The following KRT19 variants were observed in gnomAD, a reference collection of about 807,000 sequenced individuals.
KRT19 encodes the protein keratin 19.
Under a neutral mutation model 34.6 loss-of-function variants are expected in KRT19, and 21 were observed. That is an observed-to-expected ratio of 0.61 (90% confidence interval 0.43 to 0.87). The LOEUF (loss-of-function observed/expected upper bound fraction) is 0.87. KRT19 is among the 40% of genes least tolerant of loss of function. The pLI, the probability that KRT19 is intolerant of heterozygous loss-of-function variation, is 0.00. For missense variants in KRT19, 514 were observed against 545.7 expected, an observed-to-expected ratio of 0.94 and a Z score of 0.58; for synonymous variants, 240 against 245.8, an observed-to-expected ratio of 0.98 and a Z score of 0.22.
rs368104623 is a variant in KRT19 at position 41,523,958 on chromosome 17, G to A, written c.988C>T (p.Arg330Cys). Residue 330 changes from arginine (R) to cysteine (C), a missense_variant, in exon 6 of 6, where the codon CGC becomes TGC. Arg to Cys is a radical substitution (Grantham distance 180). Coordinates refer to ENST00000361566, the MANE Select transcript of KRT19 (RefSeq NM_002276.5). ...ATATGCGCCAGCTGGGCTCCAAAGC[G>A]CGCCTCCGTTTCTGCCAGTGTGTCT... Reference protein sequence around the residue: ...LEDTLAETEARFGAQLAHIQA... With the variant: ...LEDTLAETEACFGAQLAHIQA... 1.1e-5 allele frequency: 18 copies of A among 1,613,146 alleles called. No individual in the cohort carries two copies. The African/African-American group carries it at 1.3e-4, about 12-fold the overall frequency.
At position 41,524,565 on chromosome 17, in the gene KRT19, C is replaced by T. The variant is rs182707110; in HGVS notation, c.661-25G>A. On this transcript the variant is annotated intron_variant, in intron 3 of 5. Transcript: ENST00000361566. ...CCTGTAAAGATACAGCAGAGATGGG[C>T]ATGTCAGGGCCCAGACCCCACTGGG... 6.2e-6 allele frequency: 10 copies of T among 1,613,014 alleles called. No individual in the cohort carries two copies. The East Asian group carries it at 1.3e-4, about 22-fold the overall frequency.
Position 41,523,767 on chromosome 17 carries a change from ATTG to A in KRT19, c.1176_1178del (p.Asn393del). On this transcript the variant is annotated inframe_deletion, in exon 6 of 6. Coordinates refer to ENST00000361566, the MANE Select transcript of KRT19 (RefSeq NM_002276.5). ...CTCAGAGGACCTTGGAGGCAGACAA[ATTG>A]TTGTAGTGATCTTCCTGTCCCTCGA... is the stretch of plus-strand genomic sequence containing the variant. The A allele has an allele frequency of 1.2e-6, 2 of 1,613,794 alleles. No homozygotes were observed. Among genetic ancestry groups the A allele is most frequent in the Non-Finnish European group, 1.7e-6 (2 of 1,179,922 alleles).
rs200132300 is a variant in KRT19, at chr17:41,524,316, C to G, written c.823-48G>C. On this transcript the variant is annotated intron_variant, in intron 4 of 5. Coordinates refer to ENST00000361566, the MANE Select transcript of KRT19 (RefSeq NM_002276.5). ...GAATAAGCATTGAGTCAGACCTTCG[C>G]GTAGGGAACACAAAGCCCTCCCCTT... 75 of 1,611,378 alleles carry G rather than the reference C, an allele frequency of 4.7e-5. No homozygotes were observed. Among genetic ancestry groups the G allele is most frequent in the Non-Finnish European group, 5.9e-5 (69 of 1,177,940 alleles).
chr17:41,524,763 G>T, intron 3 of KRT19, 80 bp downstream of exon 3: 2 of 1,516,274 alleles, frequency 1.3e-6, no homozygotes, highest in Non-Finnish European at 1.8e-6. Flanking sequence ...TGTTACCACG[G>T]TCAGAGAATA....
At position 41,527,999 on chromosome 17, in the gene KRT19, G is replaced by A. The variant is rs1272265826; in HGVS notation, c.249C>T (p.Thr83=). The A allele has an allele frequency of 2.5e-6, 4 of 1,613,534 alleles. No homozygotes were observed. Among genetic ancestry groups the A allele is most frequent in the South Asian group, 1.1e-5 (1 of 91,062 alleles). Residue 83 remains threonine (T), a synonymous_variant, in exon 1 of 6, where the codon ACC becomes ACT. Transcript: ENST00000361566. ...CCAGGCGGTCGTTGAGGTTCTGCAT[G>A]GTTAGCTTCTCGTTGCCCGCCAGCA... The part of the protein sequence containing the change: ...DGLLAGNEKL[T]MQNLNDRLAS...
In KRT19 at chr17:41,524,361, C is replaced by T. The variant is rs918816810; in HGVS notation, c.822+18G>A. On this transcript the variant is annotated intron_variant, in intron 4 of 5. Transcript: ENST00000361566. The stretch of plus-strand genomic sequence containing the variant: ...CCCCTTCCTAACCCCCAAAGGGTGC[C>T]TGCTTCCCTCTACCTACCCGGCTGG... 6.2e-7 allele frequency: 1 copy of T among 1,613,878 alleles called. No individual in the cohort carries two copies. Among genetic ancestry groups the T allele is most frequent in the East Asian group, 2.2e-5 (1 of 44,878 alleles).
In KRT19 at chr17:41,524,184, G is replaced by A. The variant is rs1440372553; in HGVS notation, c.907C>T (p.Leu303Phe). The change falls in exon 5 of 6, where the codon CTT becomes TTT. Residue 303 changes from leucine (L) to phenylalanine (F), a missense_variant. Leu to Phe is a conservative substitution (Grantham distance 22). Coordinates refer to ENST00000361566, the MANE Select transcript of KRT19 (RefSeq NM_002276.5). ...TGCAGCTCAATCTCAAGACCCTGAA[G>A]GGTGCGCCGCAGGTCAGTAACCTCG... ...RSEVTDLRRT[L>F]QGLEIELQSQ... 2 of 1,614,132 alleles carry A rather than the reference G, an allele frequency of 1.2e-6. No homozygotes were observed. Among genetic ancestry groups the A allele is most frequent in the Admixed American group, 3.3e-5 (2 of 60,022 alleles).
chr17:41,525,102 GCCATC>G, intron 2 of KRT19, 84 bp downstream of exon 2: 1 of 1,563,770 alleles, frequency 6.4e-7, no homozygotes, highest in Non-Finnish European at 8.8e-7. Flanking sequence ...TTAGCTTCAG[GCCATC>G]TAGGCTAGGT....
At position 41,523,919 on chromosome 17, in the gene KRT19, T is replaced by C. The variant is rs1181062457; in HGVS notation, c.1027A>G (p.Ser343Gly). Residue 343 changes from serine (S) to glycine (G), a missense_variant, in exon 6 of 6, where the codon AGC (serine) becomes GGC (glycine). Ser to Gly is a moderately conservative substitution (Grantham distance 56). Transcript: ENST00000361566. Reference sequence around the variant, plus strand: ...TCGCCCAGCTGGGCTTCAATACCGCTGATCAGCGCCTGGATATGCGCCAGC... The same window carrying C: ...TCGCCCAGCTGGGCTTCAATACCGCCGATCAGCGCCTGGATATGCGCCAGC... Reference protein sequence around the residue: ...AQLAHIQALISGIEAQLGDVR... With the variant: ...AQLAHIQALIGGIEAQLGDVR... 1.2e-6 allele frequency: 2 copies of C among 1,614,066 alleles called. No individual in the cohort carries two copies. Among genetic ancestry groups the C allele is most frequent in the Admixed American group, 1.7e-5 (1 of 60,026 alleles).
chr17:41,527,778 G>A, intron 1 of KRT19, 50 bp downstream of exon 1: 1 of 1,514,662 alleles, frequency 6.6e-7, no homozygotes, highest in South Asian at 1.3e-5. Context: ...CGCGGGGCTG[G>A]GTTTCCGCGG....
chr17:41,527,957 C>G lies in KRT19; in HGVS notation c.291G>C (p.Lys97Asn). Residue 97 changes from lysine (K) to asparagine (N), a missense_variant, in exon 1 of 6, where the codon AAG becomes AAC. By Grantham distance (94) the Lys-to-Asn change is moderately conservative. Transcript: ENST00000361566. ...LNDRLASYLD[K>N]VRALEAANGE... is the part of the protein sequence containing the mutation. The stretch of plus-strand genomic sequence containing the variant: ...CGTTGGCCGCCTCCAGGGCGCGCAC[C>G]TTGTCCAGGTAGGAGGCCAGGCGGT... 6.2e-7 allele frequency: 1 copy of G among 1,613,794 alleles called. No homozygotes were observed. Among genetic ancestry groups the G allele is most frequent in the Middle Eastern group, 1.7e-4 (1 of 5,884 alleles).
At chr17:41,525,439 C>T in intron 1 of KRT19, 166 bp from the exon 2 acceptor site, 1 of 628,258 alleles carries the variant, frequency 1.6e-6, no homozygotes, top group South Asian at 1.8e-5. Context: ...GGAGGCCTTG[C>T]AAACAGTCCA....
Position 41,524,395 on chromosome 17 carries a change from G to C in KRT19, c.806C>G (p.Ala269Gly), listed in dbSNP as rs565579263. 5.0e-6 allele frequency: 8 copies of C among 1,614,170 alleles called. No individual in the cohort carries two copies. The South Asian group carries it at 8.8e-5, about 18-fold the overall frequency. Reference sequence around the variant, plus strand: ...TCTACCTACCCGGCTGGTGAACCAGGCTTCAGCATCCTTCCGGTTCTGCTC... The same window carrying C: ...TCTACCTACCCGGCTGGTGAACCAGCCTTCAGCATCCTTCCGGTTCTGCTC... ...MAEQNRKDAE[A>G]WFTSRTEELN... is the part of the protein sequence containing the mutation. Residue 269 changes from alanine to glycine, a missense_variant, in exon 4 of 6, where the codon GCC (alanine) becomes GGC (glycine). Physicochemically the swap from Ala to Gly is moderately conservative, Grantham distance 60. Transcript: ENST00000361566.
chr17:41,527,803 T>G, intron 1 of KRT19, 25 bp downstream of exon 1: 1 of 1,549,174 alleles, frequency 6.5e-7, no homozygotes, highest in South Asian at 1.2e-5. Flanking sequence ...TGCACTGCAC[T>G]TCCCGCGGCC....
chr17:41,524,748 C>T, intron 3 of KRT19, 95 bp downstream of exon 3: 1 of 1,442,370 alleles, frequency 6.9e-7, no homozygotes, highest in Non-Finnish European at 9.6e-7. Flanking sequence ...TGAGGGTGCA[C>T]CAAGTGTTAC....
At chr17:41,524,303 A>C (rs368971753) in intron 4 of KRT19, 35 bp from the exon 5 acceptor site, 174 of 1,611,986 alleles carry the variant, frequency 1.1e-4, no homozygotes, top group Non-Finnish European at 1.4e-4. Flanking sequence ...ATAAGCATTG[A>C]GTCAGACCTT....
chr17:41,525,590 G>A (rs747818084), intron 1 of KRT19: 9 of 322,468 alleles, frequency 2.8e-5, no homozygotes, highest in African/African-American at 6.3e-5. Context: ...CTATAAACCA[G>A]ATGGGGGGTA....
In KRT19 at chr17:41,525,017, TG is replaced by T. The variant is rs1291787053; in HGVS notation, c.504-19del. 6.2e-7 allele frequency: 1 copy of T among 1,611,354 alleles called. No individual in the cohort carries two copies. Among genetic ancestry groups the T allele is most frequent in the East Asian group, 2.2e-5 (1 of 44,806 alleles). On this transcript the variant is annotated intron_variant, in intron 2 of 5. Coordinates refer to ENST00000361566, the MANE Select transcript of KRT19 (RefSeq NM_002276.5). ...TCTCAAACCTTTCAAAGGAAATAGT[TG>T]CAGCCAGGCAGAGCTTCCTCAGCAT...
rs1905744239 is a variant in KRT19, at chr17:41,523,639, T to A, written c.*104A>T. On this transcript the variant is annotated 3_prime_UTR_variant, in exon 6 of 6. Coordinates refer to ENST00000361566, the MANE Select transcript of KRT19 (RefSeq NM_002276.5). ...TCCTCCCTTGGACCATAAATTTTTA[T>A]TGGCAGGTCAGGAGAAGAGCCGGGG... 1 of 1,143,848 alleles carries A rather than the reference T, an allele frequency of 8.7e-7. No individual in the cohort carries two copies. The highest frequency in any genetic ancestry group is 1.3e-6 in the Non-Finnish European group (1 of 798,218). The allele number at this position is 1,143,848 out of a possible 1,614,324, so 70.9% of individuals were successfully genotyped here.
Sources: allele counts gnomAD v4.1 joint callset, GRCh38; gene constraint gnomAD v4.1.1; transcripts MANE v1.5; gene names NCBI Gene and HGNC (gene_info 2026-07-23, HGNC 2026-07-21).